ALDH16A1: variants seen among roughly 807,000 people sequenced by gnomAD.
ALDH16A1 encodes the protein aldehyde dehydrogenase family 16 member A1.
Under a neutral mutation model 96.1 loss-of-function variants are expected in ALDH16A1, and 88 were observed. The observed-to-expected ratio is 0.92, with a 90% CI of 0.77 to 1.09. The LOEUF (loss-of-function observed/expected upper bound fraction) is 1.09, where lower values mean the gene tolerates loss of function less well. Ranked by LOEUF, ALDH16A1 falls within the 50% of genes least tolerant of loss-of-function variation. The pLI, the probability that ALDH16A1 is intolerant of heterozygous loss-of-function variation, is 0.00. For missense variants in ALDH16A1, 1,250 were observed against 1,112.6 expected, an observed-to-expected ratio of 1.12 and a Z score of -1.76; for synonymous variants, 522 against 496.4, an observed-to-expected ratio of 1.05 and a Z score of -0.69.
At position 49,466,218 on chromosome 19, in the gene ALDH16A1, G is replaced by A. The variant is rs781183096; in HGVS notation, c.1873G>A (p.Glu625Lys). 5.9e-6 allele frequency: 9 copies of A among 1,523,896 alleles called. No homozygotes were observed. The highest frequency in any genetic ancestry group is 7.9e-6 in the Non-Finnish European group (9 of 1,136,652). 94.4% of individuals were successfully genotyped at this position (1,523,896 alleles called of 1,614,324 possible). Residue 625 changes from glutamate to lysine, a missense_variant, in exon 14 of 17, where the codon GAG becomes AAG. Transcript: ENST00000293350. ...AELKAAEAEV[E>K]LSARRLRAWG... ...GCTCAAGGCTGCGGAGGCGGAGGTG[G>A]AGCTGAGCGCAAGACGACTTCGGGC...
chr19:49,467,453 G>C (rs1490335107), intron 14 of ALDH16A1, among the ~76,000 whole-genome samples: 1 of 150,158 alleles, frequency 6.7e-6, no homozygotes, highest in African/African-American at 2.5e-5. Context: ...GGAGTGCAGT[G>C]GCGCAATCTC....
At chr19:49,462,067 C>G in intron 7 of ALDH16A1, 31 bp downstream of exon 7, 2 of 1,512,200 alleles carry the variant, frequency 1.3e-6, no homozygotes, top group Non-Finnish European at 1.8e-6. Flanking sequence ...TCTCCTCATA[C>G]CCTGGAGGCC....
In ALDH16A1 at chr19:49,458,358, A is replaced by G. The variant is rs933652872; in HGVS notation, c.91-128A>G. 13 of 695,442 alleles carry G rather than the reference A, an allele frequency of 1.9e-5. No individual in the cohort carries two copies. In the African/African-American group the frequency reaches 2.3e-4, roughly 13 times the overall value. The allele number at this position is 695,442 out of a possible 1,614,324, so 43.1% of individuals were successfully genotyped here. ...TACCACAAACTTTTTTTTTAAAGCA[A>G]TAGGAGGAAAAGAATTAGCTGATGG... On this transcript the variant is annotated intron_variant, in intron 1 of 16. Coordinates refer to ENST00000293350, the MANE Select transcript of ALDH16A1 (RefSeq NM_153329.4).
chr19:49,467,417 C>G (rs1211234545), intron 14 of ALDH16A1, among the ~76,000 whole-genome samples: 1 of 141,810 alleles, frequency 7.1e-6, no homozygotes, highest in Non-Finnish European at 1.5e-5. Flanking sequence ...TTTTTTGAGA[C>G]AGAGTCTCGC....
chr19:49,466,102 G>A lies in ALDH16A1; in HGVS notation c.1757G>A (p.Gly586Glu), dbSNP rs780074063. 2.3e-5 allele frequency: 36 copies of A among 1,546,816 alleles called. No homozygotes were observed. The highest frequency in any genetic ancestry group is 7.8e-5 in the Admixed American group (4 of 51,090). ...CACAGCTGGGCGGGCCAGTCCCCAG[G>A]AGCCCGGGCAGCCCTGCTGTGGGCC... ...AFPGWAGQSP[G>E]ARAALLWALA... The change falls in exon 14 of 17, where the codon GGA becomes GAA. Residue 586 changes from glycine to glutamate, a missense_variant. Transcript: ENST00000293350.
At chr19:49,455,484 G>A (rs912028716) in intron 1 of ALDH16A1, among the ~76,000 whole-genome samples, 1 of 149,142 alleles carries the variant, frequency 6.7e-6, no homozygotes, top group Non-Finnish European at 1.5e-5. Context: ...GCACACACCT[G>A]TAGTCCCAGC....
intron 12 of ALDH16A1, 60 bp downstream of exon 12, chr19:49,464,822 G>T: frequency 6.2e-7 from 1 of 1,605,398 alleles, no homozygotes; most frequent in African/African-American, 1.3e-5. Flanking sequence ...ATTGATGCCT[G>T]TTTCCCCGTG....
At chr19:49,460,083 A>G (rs918339680) in intron 4 of ALDH16A1, among the ~76,000 whole-genome samples, 1 of 148,108 alleles carries the variant, frequency 6.8e-6, no homozygotes, top group Non-Finnish European at 1.5e-5. Flanking sequence ...GCTAATTGTT[A>G]TATTTTTATT....
rs375681810 is a variant in ALDH16A1 at position 49,470,332 on chromosome 19, G to A, written c.2274G>A (p.Ser758=). 8.1e-6 allele frequency: 13 copies of A among 1,613,286 alleles called. No individual in the cohort carries two copies. The East Asian group carries it at 1.1e-4, about 14-fold the overall frequency. The change falls in exon 17 of 17, where the codon TCG becomes TCA. Residue 758 remains serine, a synonymous_variant. Coordinates refer to ENST00000293350, the MANE Select transcript of ALDH16A1 (RefSeq NM_153329.4). ...GTTCCCAGTTTGTCGAGTGGGCCTCGGCAGGAAACCTCAAACCGGTGTGGG... is the reference window on the plus strand; with the variant it reads ...GTTCCCAGTTTGTCGAGTGGGCCTCAGCAGGAAACCTCAAACCGGTGTGGG... The part of the protein sequence containing the change: ...AQGSQFVEWA[S]AGNLKPVWAS...
At position 49,459,909 on chromosome 19, in the gene ALDH16A1, C is replaced by G. The variant is rs2079128810; in HGVS notation, c.499+61C>G. On this transcript the variant is annotated intron_variant, in intron 4 of 16. Coordinates refer to ENST00000293350, the MANE Select transcript of ALDH16A1 (RefSeq NM_153329.4). The surrounding 1 kb of genome is among the most constrained non-coding windows in gnomAD (Gnocchi z 4.1). ...ATGACTCAGCAGTGCTAGCTCCAGT[C>G]CCCTCATTCTTTTTCTTTTAGACAG... is the stretch of plus-strand genomic sequence containing the variant. The G allele has an allele frequency of 9.2e-6, 14 of 1,522,476 alleles. No individual in the cohort carries two copies. The highest frequency in any genetic ancestry group is 1.2e-5 in the Non-Finnish European group (14 of 1,134,930). 94.3% of individuals were successfully genotyped at this position (1,522,476 alleles called of 1,614,324 possible).
At chr19:49,466,346 G>C in intron 14 of ALDH16A1, 63 bp downstream of exon 14, 1 of 1,401,506 alleles carries the variant, frequency 7.1e-7, no homozygotes, top group South Asian at 1.5e-5. Flanking sequence ...ACCAGAGGCT[G>C]TGAGATAACC....
Position 49,460,847 on chromosome 19 carries a change from C to G in ALDH16A1, c.525C>G (p.Pro175=), listed in dbSNP as rs1426974579. Residue 175 remains proline (P), a synonymous_variant, in exon 5 of 17, where the codon CCC becomes CCG. Coordinates refer to ENST00000293350, the MANE Select transcript of ALDH16A1 (RefSeq NM_153329.4). ...GAGTAATTGGCCTCATCCTGCCACC[C>G]ACATTCTCCTTCCTTGAGATGATGT... ...PMGVIGLILP[P]TFSFLEMMWR... 1 of 1,613,768 alleles carries G rather than the reference C, an allele frequency of 6.2e-7. No individual in the cohort carries two copies. Among genetic ancestry groups the G allele is most frequent in the Admixed American group, 1.7e-5 (1 of 60,004 alleles).
chr19:49,453,912 A>T (rs1454440649), intron 1 of ALDH16A1, among the ~76,000 whole-genome samples: 1 of 151,526 alleles, frequency 6.6e-6, no homozygotes, highest in Admixed American at 6.6e-5. Flanking sequence ...CAGAACTTCC[A>T]TGGAGCCCCC....
rs754936516 is a variant in ALDH16A1, at chr19:49,466,214, G to C, written c.1869G>C (p.Glu623Asp). Reference sequence around the variant, plus strand: ...CGGAGCTCAAGGCTGCGGAGGCGGAGGTGGAGCTGAGCGCAAGACGACTTC... The same window carrying C: ...CGGAGCTCAAGGCTGCGGAGGCGGACGTGGAGCTGAGCGCAAGACGACTTC... ...QGAELKAAEA[E>D]VELSARRLRA... Residue 623 changes from glutamate (E) to aspartate (D), a missense_variant, in exon 14 of 17, where the codon GAG (glutamate) becomes GAC (aspartate). Coordinates refer to ENST00000293350, the MANE Select transcript of ALDH16A1 (RefSeq NM_153329.4). 4 of 1,527,812 alleles carry C rather than the reference G, an allele frequency of 2.6e-6. No homozygotes were observed. Among genetic ancestry groups the C allele is most frequent in the African/African-American group, 1.4e-5 (1 of 72,736 alleles). The allele number at this position is 1,527,812 out of a possible 1,614,324, so 94.6% of individuals were successfully genotyped here.
In ALDH16A1 at chr19:49,458,593, G is replaced by A. The variant is rs560777726; in HGVS notation, c.193+5G>A. 17 of 1,555,362 alleles carry A rather than the reference G, an allele frequency of 1.1e-5. No homozygotes were observed. Among genetic ancestry groups the A allele is most frequent in the Admixed American group, 3.9e-5 (2 of 51,530 alleles). ...CTTGCCAGGATCCCATCACAGGTAC[G>A]AGATGTCCCCCAGTCATTAGTGGAA... On this transcript the variant is annotated splice_donor_5th_base_variant and intron_variant, in intron 2 of 16. Transcript: ENST00000293350.
chr19:49,467,355 C>T (rs370063214), intron 14 of ALDH16A1, among the ~76,000 whole-genome samples: 18 of 150,562 alleles, frequency 1.2e-4, no homozygotes, highest in African/African-American at 4.1e-4. Context: ...TTGGGTGGGA[C>T]ATCTGAACTA....
At chr19:49,462,892 G>C in intron 8 of ALDH16A1, 137 bp downstream of exon 8, 1 of 625,178 alleles carries the variant, frequency 1.6e-6, no homozygotes, top group South Asian at 2.2e-5. Context: ...TGGACTCCTG[G>C]GTCTGAAGGA....
chr19:49,470,182 T>A, intron 16 of ALDH16A1, 124 bp from the exon 17 acceptor site: 1 of 1,164,414 alleles, frequency 8.6e-7, no homozygotes, highest in East Asian at 2.4e-5. Flanking sequence ...GAGCTGGGCA[T>A]TGTAGCTGCA....
At chr19:49,465,926 GC>G in intron 13 of ALDH16A1, 21 bp downstream of exon 13, 1 of 1,609,688 alleles carries the variant, frequency 6.2e-7, no homozygotes, top group South Asian at 1.1e-5. Flanking sequence ...ACACGGGAAA[GC>G]CCAAGGGTCA....
Sources: gnomAD v4.1 joint callset for allele counts (sites outside exome capture counted in the v4.1 genomes callset) on GRCh38, gnomAD v4.1.1 for gene constraint, Gnocchi (gnomAD v3.1) non-coding constraint, MANE v1.5 for transcripts, NCBI Gene and HGNC (gene_info 2026-07-23, HGNC 2026-07-21) for gene names.